Variants in LGR5 observed in about 807,000 individuals in gnomAD.
LGR5 encodes the protein leucine rich repeat containing G protein-coupled receptor 5.
Under a neutral mutation model 76.7 loss-of-function variants are expected in LGR5, and 54 were observed. The observed-to-expected ratio is 0.70, with a 90% CI of 0.57 to 0.88. The LOEUF (loss-of-function observed/expected upper bound fraction) is 0.88. Ranked by LOEUF, LGR5 falls within the 40% of genes least tolerant of loss-of-function variation. The probability of loss-of-function intolerance (pLI) is 0.00; values close to 1 mark genes in which losing one functional copy is unlikely to be tolerated. For synonymous variants in LGR5, 406 were observed against 421.9 expected (o/e 0.96, Z 0.46); for missense variants, 1,078 against 1,073.3 (o/e 1.00, Z -0.06).
chr12:71,453,271 G>A (rs897861432), intron 1 of LGR5, among the ~76,000 whole-genome samples: 3 of 152,048 alleles, frequency 2.0e-5, no homozygotes, highest in African/African-American at 7.2e-5. Flanking sequence ...TTTTAAATGA[G>A]GTTTCATATT....
chr12:71,522,468 G>A (rs1049995323), intron 2 of LGR5, among the ~76,000 whole-genome samples: 2 of 152,180 alleles, frequency 1.3e-5, no homozygotes, highest in Admixed American at 1.3e-4. Flanking sequence ...CCAACACCAT[G>A]CTTAGGCTAG....
At chr12:71,526,166 T>C (rs1875994081) in intron 3 of LGR5, among the ~76,000 whole-genome samples, 1 of 152,166 alleles carries the variant, frequency 6.6e-6, no homozygotes, top group African/African-American at 2.4e-5. Context: ...TTTTCAACTT[T>C]TTCTTCATTT....
In LGR5 at chr12:71,440,279, T is replaced by A; in HGVS notation, c.199T>A (p.Phe67Ile). 1 of 1,611,432 alleles carries A rather than the reference T, an allele frequency of 6.2e-7. No individual in the cohort carries two copies. The highest frequency in any genetic ancestry group is 8.5e-7 in the Non-Finnish European group (1 of 1,179,914). The change falls in exon 1 of 18, where the codon TTC (phenylalanine) becomes ATC (isoleucine). Residue 67 changes from phenylalanine (F) to isoleucine (I), a missense_variant. Coordinates refer to ENST00000266674, the MANE Select transcript of LGR5 (RefSeq NM_003667.4). This position sits in a 1 kb window ranked among gnomAD's most constrained non-coding sequence, Gnocchi z 5.3. ...GGAGCTGCCTTCCAACCTCAGCGTC[T>A]TCACCTCCTACCTGTAAGTACTTCC... is the stretch of plus-strand genomic sequence containing the variant. ...LSELPSNLSV[F>I]TSYLDLSMNN...
At chr12:71,465,080 C>T (rs1391503047) in intron 1 of LGR5, among the ~76,000 whole-genome samples, 1 of 152,136 alleles carries the variant, frequency 6.6e-6, no homozygotes, top group Non-Finnish European at 1.5e-5. Flanking sequence ...GCAGGCGTCC[C>T]CCTCCCTAGT....
intron 4 of LGR5, 81 bp downstream of exon 4, chr12:71,535,267 A>G: frequency 1.0e-6 from 1 of 958,094 alleles, no homozygotes; most frequent in Non-Finnish European, 1.7e-6. Context: ...CCATTTTAGT[A>G]TGTTCCTTGG....
chr12:71,550,522 A>G (rs906656281), intron 4 of LGR5, among the ~76,000 whole-genome samples: 2 of 146,284 alleles, frequency 1.4e-5, no homozygotes, highest in African/African-American at 5.1e-5. Context: ...GTGCAGTGGC[A>G]TGATCTCGGC....
At chr12:71,457,008 A>T (rs1021950355) in intron 1 of LGR5, among the ~76,000 whole-genome samples, 1 of 152,090 alleles carries the variant, frequency 6.6e-6, no homozygotes, top group Admixed American at 6.5e-5. Context: ...TTTTTTTTTA[A>T]GACCATGGAG....
At chr12:71,467,008 G>GTT (rs35895844) in intron 1 of LGR5, among the ~76,000 whole-genome samples, 10 of 146,740 alleles carry the variant, frequency 6.8e-5, no homozygotes, top group African/African-American at 2.2e-4. Flanking sequence ...TGTGGACCAG[G>GTT]TTTTTTTTTT....
chr12:71,554,215 G>A (rs1877646089), intron 5 of LGR5, among the ~76,000 whole-genome samples: 1 of 152,240 alleles, frequency 6.6e-6, no homozygotes, highest in South Asian at 2.1e-4. Flanking sequence ...CTAGCAGGGA[G>A]CTAGGGAATG....
chr12:71,561,585 A>G (rs555480948), intron 7 of LGR5, among the ~76,000 whole-genome samples, 196 bp from the exon 8 acceptor site: 13 of 152,198 alleles, frequency 8.5e-5, no homozygotes, highest in African/African-American at 2.2e-4. Flanking sequence ...TTTCTCTTTT[A>G]AGATGACAGC....
At chr12:71,570,598 TG>T (rs1425545634) in intron 11 of LGR5, among the ~76,000 whole-genome samples, 2 of 152,110 alleles carry the variant, frequency 1.3e-5, no homozygotes, top group Middle Eastern at 3.4e-3. Flanking sequence ...AGGTATTGGG[TG>T]GGGGGGTATC....
chr12:71,564,749 T>G lies in LGR5; in HGVS notation c.858-1655T>G, dbSNP rs192381146. On this transcript the variant is annotated intron_variant, in intron 8 of 17. Transcript: ENST00000266674. ...CATATATGTACACACACTGTATATA[T>G]ATACATATATACATATATGTACACA... Among the ~76,000 whole-genome samples the G allele has an allele frequency of 1.5e-3, 213 of 145,692 alleles. 5 individuals are homozygous for G. The highest frequency in any genetic ancestry group is 2.6e-3 in the Non-Finnish European group (171 of 66,470).
chr12:71,510,466 A>G (rs906745342), intron 2 of LGR5, among the ~76,000 whole-genome samples: 2 of 152,136 alleles, frequency 1.3e-5, no homozygotes, highest in Non-Finnish European at 1.5e-5. Flanking sequence ...CCCACCACCT[A>G]TAAAATGTAG....
intron 2 of LGR5, among the ~76,000 whole-genome samples, chr12:71,519,920 A>T (rs1404288245): frequency 1.3e-5 from 2 of 151,964 alleles, no homozygotes; most frequent in Non-Finnish European, 2.9e-5. Context: ...ATGGGATATT[A>T]AAAAAATAGC....
intron 1 of LGR5, among the ~76,000 whole-genome samples, chr12:71,445,240 C>A (rs1195220131): frequency 2.6e-5 from 4 of 152,204 alleles, no homozygotes; most frequent in Non-Finnish European, 5.9e-5. Context: ...ATTCCTCACT[C>A]CAGTTGCAAT....
chr12:71,547,041 A>G (rs1392497116), intron 4 of LGR5, among the ~76,000 whole-genome samples: 3 of 152,114 alleles, frequency 2.0e-5, no homozygotes, highest in Non-Finnish European at 4.4e-5. Context: ...CGGAGTCTTC[A>G]ACCTCAAGCC....
At position 71,584,937 on chromosome 12, in the gene LGR5, G is replaced by T; in HGVS notation, c.*203G>T. On this transcript the variant is annotated 3_prime_UTR_variant, in exon 18 of 18. Transcript: ENST00000266674. Reference sequence around the variant, plus strand: ...GTCTAAATGCTGCTTTGTATAATTTGTTCAGCTAAGGGATAGATCGATCAC... The same window carrying T: ...GTCTAAATGCTGCTTTGTATAATTTTTTCAGCTAAGGGATAGATCGATCAC... The T allele has an allele frequency of 1.7e-6, 1 of 575,630 alleles. No individual in the cohort carries two copies. The highest frequency in any genetic ancestry group is 3.1e-6 in the Non-Finnish European group (1 of 327,544). The allele number at this position is 575,630 out of a possible 1,614,324, so 35.7% of individuals were successfully genotyped here.
At chr12:71,536,595 A>G (rs1393493002) in intron 4 of LGR5, among the ~76,000 whole-genome samples, 1 of 152,240 alleles carries the variant, frequency 6.6e-6, no homozygotes, top group Non-Finnish European at 1.5e-5. Context: ...AAGTTGGGGT[A>G]TCTGTGTGGC....
At chr12:71,466,115 AT>A (rs1197327167) in intron 1 of LGR5, among the ~76,000 whole-genome samples, 2 of 152,254 alleles carry the variant, frequency 1.3e-5, no homozygotes, top group Non-Finnish European at 2.9e-5. Flanking sequence ...ATAGAAAGTC[AT>A]GAATTACACC....
Sources: allele counts gnomAD v4.1 joint callset (sites outside exome capture counted in the v4.1 genomes callset), GRCh38; gene constraint gnomAD v4.1.1; non-coding constraint Gnocchi (gnomAD v3.1); transcripts MANE v1.5; gene names NCBI Gene and HGNC (gene_info 2026-07-23, HGNC 2026-07-21).